The following BLZF1 variants were observed in gnomAD, a reference collection of about 807,000 sequenced individuals.
The protein encoded by BLZF1 is basic leucine zipper nuclear factor 1.
In BLZF1, 39 loss-of-function variants were observed where a neutral mutation model predicts 43.8. The ratio of observed to expected loss-of-function variants is 0.89; its 90% confidence interval spans 0.69 to 1.16. The LOEUF is 1.16. BLZF1 is among the 50% of genes most tolerant of loss of function. The probability of loss-of-function intolerance (pLI) is 0.00; values close to 1 mark genes in which losing one functional copy is unlikely to be tolerated. For synonymous variants in BLZF1, 136 were observed against 159.4 expected, an observed-to-expected ratio of 0.85 and a Z score of 1.11; for missense variants, 449 against 469.8, an observed-to-expected ratio of 0.96 and a Z score of 0.41.
chr1:169,369,505 A>G lies in BLZF1; in HGVS notation c.-18A>G. 1.2e-6 allele frequency: 2 copies of G among 1,606,798 alleles called. No individual in the cohort carries two copies. Among genetic ancestry groups the G allele is most frequent in the Non-Finnish European group, 1.7e-6 (2 of 1,176,294 alleles). The stretch of plus-strand genomic sequence containing the variant: ...AGCAGAAGTCTTGGAGTGCATTTTC[A>G]GTGGTTAAGGTGAAAAAATGACTAC... On this transcript the variant is annotated 5_prime_UTR_variant, in exon 2 of 7. Coordinates refer to ENST00000367808, the MANE Select transcript of BLZF1 (RefSeq NM_001320973.2).
intron 2 of BLZF1, among the ~76,000 whole-genome samples, chr1:169,372,164 C>G (rs1292226340): frequency 6.6e-6 from 1 of 152,080 alleles, no homozygotes; most frequent in Non-Finnish European, 1.5e-5. Context: ...ACTTATTTTA[C>G]TAATTTAATA....
At chr1:169,382,334 G>A in intron 6 of BLZF1, 53 bp downstream of exon 6, 1 of 1,479,786 alleles carries the variant, frequency 6.8e-7, no homozygotes, top group Non-Finnish European at 9.3e-7. Flanking sequence ...TCCTTTTACT[G>A]AAAGGTGACA....
intron 2 of BLZF1, among the ~76,000 whole-genome samples, chr1:169,370,605 C>T (rs1001032742): frequency 6.6e-6 from 1 of 152,200 alleles, no homozygotes; most frequent in Non-Finnish European, 1.5e-5. Context: ...GCTTGCCAAA[C>T]TTCAAGTGGT....
At chr1:169,389,688 A>T (rs1008182247), downstream of BLZF1, among the ~76,000 whole-genome samples, 1 of 152,248 alleles carries the variant, frequency 6.6e-6, no homozygotes, top group Non-Finnish European at 1.5e-5. Context: ...AATAGCCAAA[A>T]GGTGGATGTA....
At chr1:169,390,909 ACATACAT>A (rs1236136033), downstream of BLZF1, among the ~76,000 whole-genome samples, 1 of 152,246 alleles carries the variant, frequency 6.6e-6, no homozygotes, top group Non-Finnish European at 1.5e-5. Context: ...ACACATGCAC[ACATACAT>A]TTACATATCT....
Position 169,382,093 on chromosome 1 carries a change from T to C in BLZF1, c.829T>C (p.Trp277Arg), listed in dbSNP as rs1222701005. ...GGAGGAGCTCTTAGTTTCCTTGCAATGGGGAAGAGAGCAAACTTACTCCCC... is the reference window on the plus strand; with the variant it reads ...GGAGGAGCTCTTAGTTTCCTTGCAACGGGGAAGAGAGCAAACTTACTCCCC... Reference protein sequence around the residue: ...LLEELLVSLQWGREQTYSPSV... With the variant: ...LLEELLVSLQRGREQTYSPSV... The change falls in exon 6 of 7, where the codon TGG (tryptophan) becomes CGG (arginine). Residue 277 changes from tryptophan (W) to arginine (R), a missense_variant. Physicochemically the swap from Trp to Arg is moderately radical, Grantham distance 101. Coordinates refer to ENST00000367808, the MANE Select transcript of BLZF1 (RefSeq NM_001320973.2). 2 of 1,613,596 alleles carry C rather than the reference T, an allele frequency of 1.2e-6. No homozygotes were observed. The highest frequency in any genetic ancestry group is 1.7e-6 in the Non-Finnish European group (2 of 1,179,684).
Position 169,376,612 on chromosome 1 carries a change from AAGTT to A in BLZF1, c.103_106del (p.Val35ProfsTer30). Reference sequence around the variant, plus strand: ...ACTGAGGAACCACCTAAATCTGTTGAAGTTACCTCCGGAGTCCAATCTAGAAAGC... The same window carrying A: ...ACTGAGGAACCACCTAAATCTGTTGAACCTCCGGAGTCCAATCTAGAAAGC... On this transcript the variant is annotated frameshift_variant, in exon 3 of 7. Transcript: ENST00000367808. LOFTEE classifies it high-confidence loss of function. 1 of 1,613,134 alleles carries A rather than the reference AAGTT, an allele frequency of 6.2e-7. No homozygotes were observed. The highest frequency in any genetic ancestry group is 8.5e-7 in the Non-Finnish European group (1 of 1,179,510).
At chr1:169,381,961 T>C in intron 5 of BLZF1, 101 bp from the exon 6 acceptor site, 8 of 893,102 alleles carry the variant, frequency 9.0e-6, no homozygotes, top group Non-Finnish European at 1.4e-5. Flanking sequence ...CAGAGAAAGA[T>C]GTTATATAAT....
rs920217557 is a variant in BLZF1 at position 169,388,241 on chromosome 1, T to C, written c.*1059T>C. 2.6e-5 allele frequency: 4 copies of C among 152,180 alleles called. No individual in the cohort carries two copies. The highest frequency in any genetic ancestry group is 5.9e-5 in the Non-Finnish European group (4 of 68,032). The allele number at this position is 152,180 out of a possible 1,614,324, so 9.4% of individuals were successfully genotyped here. A position where few individuals can be genotyped will look rare whatever the true frequency, so the allele number is the denominator to read the frequency against. On this transcript the variant is annotated 3_prime_UTR_variant, in exon 7 of 7. Coordinates refer to ENST00000367808, the MANE Select transcript of BLZF1 (RefSeq NM_001320973.2). ...TAATAATTTTAATGTCAATGATTTT[T>C]TTTGTCTGACTCATCTGAGTTATAT...
rs1654900105 is a variant in BLZF1 at position 169,394,372 on chromosome 1, T to TA, written c.*28-1521dup. On this transcript the variant is annotated intron_variant, in intron 7 of 7. Transcript: ENST00000329281. Reference sequence around the variant, plus strand: ...TTCGGGGATACATATGTGCGTTAGTTACATGGGTATGTTGCATGTTGCTGA... The same window carrying TA: ...TTCGGGGATACATATGTGCGTTAGTTAACATGGGTATGTTGCATGTTGCTGA... Among the ~76,000 whole-genome samples, 3 of 152,312 alleles carry TA rather than the reference T, an allele frequency of 2.0e-5. No homozygotes were observed. In the East Asian group the frequency reaches 5.8e-4, roughly 29 times the overall value.
At chr1:169,392,087 G>C (rs1265494134), downstream of BLZF1, among the ~76,000 whole-genome samples, 1 of 152,122 alleles carries the variant, frequency 6.6e-6, no homozygotes. Context: ...AGTCGTTATG[G>C]AGGCCTGCAT....
intron 3 of BLZF1, 83 bp downstream of exon 3, chr1:169,377,062 C>CCATAAAGAAATGTAG: frequency 8.9e-7 from 1 of 1,124,298 alleles, no homozygotes; most frequent in Non-Finnish European, 1.3e-6. Flanking sequence ...AACTACATTT[C>CCATAAAGAAATGTAG]TTTATGGGAA....
At chr1:169,380,211 G>A (rs1654482080) in intron 4 of BLZF1, among the ~76,000 whole-genome samples, 1 of 151,858 alleles carries the variant, frequency 6.6e-6, no homozygotes, top group Non-Finnish European at 1.5e-5. Context: ...GAGTAAGATT[G>A]AGATGTACTC....
chr1:169,378,513 A>G lies in BLZF1; in HGVS notation c.652A>G (p.Lys218Glu), dbSNP rs1388430779. 3 of 1,612,212 alleles carry G rather than the reference A, an allele frequency of 1.9e-6. No homozygotes were observed. Among genetic ancestry groups the G allele is most frequent in the Non-Finnish European group, 2.5e-6 (3 of 1,178,678 alleles). The part of the protein sequence containing the change: ...MSIQCDVWRS[K>E]FLASRVMADE... Reference sequence around the variant, plus strand: ...AATACAGTGTGATGTATGGCGAAGTAAATTCCTTGCAAGCAGGTATTTTCT... The same window carrying G: ...AATACAGTGTGATGTATGGCGAAGTGAATTCCTTGCAAGCAGGTATTTTCT... The change falls in exon 4 of 7, where the codon AAA becomes GAA. Residue 218 changes from lysine (K) to glutamate (E), a missense_variant. Lys to Glu is a moderately conservative substitution (Grantham distance 56, BLOSUM62 1). Coordinates refer to ENST00000367808, the MANE Select transcript of BLZF1 (RefSeq NM_001320973.2).
intron 6 of BLZF1, among the ~76,000 whole-genome samples, chr1:169,385,215 C>T (rs1466696633): frequency 6.6e-6 from 1 of 152,168 alleles, no homozygotes; most frequent in Non-Finnish European, 1.5e-5. Context: ...CCCTTCTTCT[C>T]CCAGACCTTT....
intron 2 of BLZF1, among the ~76,000 whole-genome samples, chr1:169,374,573 T>G (rs1654235905): frequency 6.6e-6 from 1 of 152,166 alleles, no homozygotes; most frequent in Non-Finnish European, 1.5e-5. Flanking sequence ...TAGAACACAT[T>G]AATTATACCT....
At position 169,378,370 on chromosome 1, in the gene BLZF1, G is replaced by C; in HGVS notation, c.509G>C (p.Gly170Ala). ...AAAAAGTTACTGGTGGCTTCTGTTG[G>C]GGATGATCTTCAGTATCACTTTGAA... ...ELKKLLVASV[G>A]DDLQYHFERL... The change falls in exon 4 of 7, where the codon GGG (glycine) becomes GCG (alanine). Residue 170 changes from glycine (G) to alanine (A), a missense_variant. Physicochemically the swap from Gly to Ala is moderately conservative, Grantham distance 60. Transcript: ENST00000367808. 1 of 1,612,710 alleles carries C rather than the reference G, an allele frequency of 6.2e-7. No homozygotes were observed. The highest frequency in any genetic ancestry group is 8.5e-7 in the Non-Finnish European group (1 of 1,179,052).
At chr1:169,373,364 T>C (rs1408243180) in intron 2 of BLZF1, among the ~76,000 whole-genome samples, 1 of 152,218 alleles carries the variant, frequency 6.6e-6, no homozygotes, top group African/African-American at 2.4e-5. Context: ...CTCATAATTA[T>C]GGAGCTGTTA....
At chr1:169,395,452 T>C (rs1654966130) in intron 7 of BLZF1, among the ~76,000 whole-genome samples, 1 of 152,218 alleles carries the variant, frequency 6.6e-6, no homozygotes, top group South Asian at 2.1e-4. Context: ...GCCAACTTAA[T>C]TGGTTTTTTA....
Sources: allele counts gnomAD v4.1 joint callset (sites outside exome capture counted in the v4.1 genomes callset), GRCh38; gene constraint gnomAD v4.1.1; transcripts MANE v1.5; gene names NCBI Gene and HGNC (gene_info 2026-07-23, HGNC 2026-07-21).